DLG4: variants seen among roughly 807,000 people sequenced by gnomAD.
DLG4 encodes discs large MAGUK scaffold protein 4.
DLG4 carries 7 observed loss-of-function variants against 93.8 expected under a neutral mutation model. That is an observed-to-expected ratio of 0.07 (90% CI 0.04 to 0.14). The LOEUF (loss-of-function observed/expected upper bound fraction) is 0.14, where lower values mean the gene tolerates loss of function less well. DLG4 is among the 10% of genes least tolerant of loss of function. The pLI is 1.00. For synonymous variants in DLG4, 341 were observed against 387.6 expected, an observed-to-expected ratio of 0.88 and a Z score of 1.41; for missense variants, 545 against 992.9, an observed-to-expected ratio of 0.55 and a Z score of 6.06.
chr17:7,202,969 G>C lies in DLG4; in HGVS notation c.721C>G (p.Leu241Val), dbSNP rs1428590876. The C allele has an allele frequency of 6.2e-7, 1 of 1,614,018 alleles. No individual in the cohort carries two copies. Among genetic ancestry groups the C allele is most frequent in the Admixed American group, 1.7e-5 (1 of 60,026 alleles). ...ALKNTYDVVY[L>V]KVAKPSNAYL... is the part of the protein sequence containing the mutation. ...GCATTGCTGGGCTTGGCCACCTTTA[G>C]GTAGACAACATCATACGTGTTCTTC... The change falls in exon 8 of 20, where the codon CTA (leucine) becomes GTA (valine). Residue 241 changes from leucine (L) to valine (V), a missense_variant. Leu to Val is a conservative substitution (Grantham distance 32). Coordinates refer to ENST00000399506, the MANE Select transcript of DLG4 (RefSeq NM_001321075.3).
upstream of DLG4, chr17:7,218,414 G>A: frequency 2.9e-6 from 4 of 1,366,212 alleles, no homozygotes; most frequent in African/African-American, 1.4e-5. Context: ...ACTCATGGAG[G>A]ACACCATAGG....
intron 17 of DLG4, 119 bp downstream of exon 17, chr17:7,192,826 C>A: frequency 9.0e-7 from 1 of 1,112,000 alleles, no homozygotes; most frequent in South Asian, 1.6e-5. Flanking sequence ...GGTGGAGGAG[C>A]GGAGTGGAGA....
rs767344048 is a variant in DLG4, at chr17:7,196,567, A to G, written c.1092T>C (p.Gly364=). 6 of 1,613,880 alleles carry G rather than the reference A, an allele frequency of 3.7e-6. No homozygotes were observed. The highest frequency in any genetic ancestry group is 5.1e-6 in the Non-Finnish European group (6 of 1,179,784). ...RKGDQILSVN[G]VDLRNASHEQ... is the part of the protein sequence containing the mutation. ...CATGGCTGGCATTTCGGAGGTCCACACCGTTGACCTAGAGAGAGGACGACA... is the reference window on the plus strand; with the variant it reads ...CATGGCTGGCATTTCGGAGGTCCACGCCGTTGACCTAGAGAGAGGACGACA... The change falls in exon 10 of 20, where the codon GGT becomes GGC. Residue 364 remains glycine (G), a synonymous_variant. Coordinates refer to ENST00000399506, the MANE Select transcript of DLG4 (RefSeq NM_001321075.3). This position sits in a 1 kb window ranked among gnomAD's most constrained non-coding sequence, Gnocchi z 8.3.
In DLG4 at chr17:7,193,463, T is replaced by A; in HGVS notation, c.1693+20A>T. 1 of 1,516,906 alleles carries A rather than the reference T, an allele frequency of 6.6e-7. No homozygotes were observed. The highest frequency in any genetic ancestry group is 2.3e-5 in the East Asian group (1 of 43,630). The allele number at this position is 1,516,906 out of a possible 1,614,324, so 94.0% of individuals were successfully genotyped here. On this transcript the variant is annotated intron_variant, in intron 16 of 19. Coordinates refer to ENST00000399506, the MANE Select transcript of DLG4 (RefSeq NM_001321075.3). This position sits in a 1 kb window ranked among gnomAD's most constrained non-coding sequence, Gnocchi z 6.7. The stretch of plus-strand genomic sequence containing the variant: ...ACCCCCACTTCCACCTTCTCCTCCA[T>A]CCAAGGCCCCAGCACTCACGGGGAA...
At chr17:7,197,538 G>A (rs2069861066) in intron 8 of DLG4, among the ~76,000 whole-genome samples, 1 of 152,082 alleles carries the variant, frequency 6.6e-6, no homozygotes, top group South Asian at 2.1e-4. Flanking sequence ...AGGCTGGAGT[G>A]CAGTGCCGTG....
chr17:7,202,833 T>C, intron 8 of DLG4, 70 bp downstream of exon 8: 1 of 1,584,116 alleles, frequency 6.3e-7, no homozygotes, highest in Non-Finnish European at 8.7e-7. Context: ...TACAGGGATG[T>C]CGTGGGACTG....
At chr17:7,218,695 C>T, upstream of DLG4, 2 of 1,530,990 alleles carry the variant, frequency 1.3e-6, no homozygotes, top group Non-Finnish European at 1.8e-6. Context: ...GGAAGATGAA[C>T]ACACTGTCAC....
Position 7,189,066 on chromosome 17 carries a change from C to T in DLG4, c.*1642G>A, listed in dbSNP as rs147812804. On this transcript the variant is annotated 3_prime_UTR_variant, in exon 20 of 20. Coordinates refer to ENST00000399506, the MANE Select transcript of DLG4 (RefSeq NM_001321075.3). ...GGCAGAGGTTGCAGTGAGCCAAGAT[C>T]GCACCACAGCACTCCAGCCTGAGCG... Among the ~76,000 whole-genome samples, 6,947 of 146,102 alleles carry T rather than the reference C, an allele frequency of 0.048. 202 individuals carry two copies. Among genetic ancestry groups the T allele is most frequent in the Middle Eastern group, 0.1 (28 of 280 alleles).
intron 2 of DLG4, among the ~76,000 whole-genome samples, chr17:7,206,831 C>G (rs1220171298): frequency 6.6e-6 from 1 of 152,136 alleles, no homozygotes; most frequent in Admixed American, 6.5e-5. Flanking sequence ...TCCCCATCTT[C>G]TTGGTGAAAT....
At position 7,191,629 on chromosome 17, in the gene DLG4, A is replaced by C. The variant is rs1362751018; in HGVS notation, c.1976+264T>G. The C allele has an allele frequency of 5.1e-6, 3 of 593,462 alleles. No homozygotes were observed. Among genetic ancestry groups the C allele is most frequent in the Non-Finnish European group, 6.0e-6 (2 of 332,232 alleles). The allele number at this position is 593,462 out of a possible 1,614,324, so 36.8% of individuals were successfully genotyped here. The stretch of plus-strand genomic sequence containing the variant: ...CCCCAGAGATGGGATTCGGACTCCA[A>C]TTCCCAACAGCCCTAGAGGCCCTGA... On this transcript the variant is annotated intron_variant, in intron 18 of 19. Coordinates refer to ENST00000399506, the MANE Select transcript of DLG4 (RefSeq NM_001321075.3). This position sits in a 1 kb window ranked among gnomAD's most constrained non-coding sequence, Gnocchi z 6.6.
intron 17 of DLG4, 54 bp downstream of exon 17, chr17:7,192,891 A>AGTGGG: frequency 1.3e-6 from 2 of 1,520,860 alleles, no homozygotes; most frequent in Non-Finnish European, 1.8e-6. Flanking sequence ...GGAGGGAGGC[A>AGTGGG]GTGGGGTGGG....
chr17:7,190,699 G>C lies in DLG4; in HGVS notation c.*9C>G, dbSNP rs762885185. ...GGCAGGGCGAGTCCAGGCCAAGCCA[G>C]GGCAGGAATCAGAGTCTCTCTCGGG... On this transcript the variant is annotated 3_prime_UTR_variant, in exon 20 of 20. Coordinates refer to ENST00000399506, the MANE Select transcript of DLG4 (RefSeq NM_001321075.3). 1.2e-6 allele frequency: 2 copies of C among 1,611,798 alleles called. No individual in the cohort carries two copies. The highest frequency in any genetic ancestry group is 1.7e-5 in the Admixed American group (1 of 60,008).
chr17:7,196,991 G>T lies in DLG4; in HGVS notation c.849C>A (p.Pro283=), dbSNP rs542676517. The T allele has an allele frequency of 3.9e-5, 63 of 1,613,682 alleles. 2 individuals are homozygous for T. In the South Asian group the frequency reaches 6.2e-4, roughly 16 times the overall value. ...SHSSYLGTDY[P]TAMTPTSPRR... ...GAGGGGAAGTGGGGGTCATGGCTGT[G>T]GGGTAGTCGGTGCCCAGGTAGCTGC... is the stretch of plus-strand genomic sequence containing the variant. Residue 283 remains proline, a synonymous_variant, in exon 9 of 20, where the codon CCC becomes CCA. Transcript: ENST00000399506. The surrounding 1 kb of genome is among the most constrained non-coding windows in gnomAD (Gnocchi z 8.3).
upstream of DLG4, chr17:7,217,642 G>A (rs1326201987): frequency 7.9e-7 from 1 of 1,267,828 alleles, no homozygotes; most frequent in Non-Finnish European, 1.1e-6. Context: ...AGGAAGCAGG[G>A]GGAGGGAGGG....
upstream of DLG4, chr17:7,218,335 A>G: frequency 6.4e-7 from 1 of 1,561,220 alleles, no homozygotes; most frequent in Non-Finnish European, 8.7e-7. Context: ...CTCCAGGCAC[A>G]TCACCCCTGT....
At chr17:7,219,956 G>A (rs756203774), upstream of DLG4, 9 of 1,591,150 alleles carry the variant, frequency 5.7e-6, no homozygotes, top group Non-Finnish European at 6.8e-6. Context: ...GTCAGAGCTC[G>A]AGCCAGCGGC....
At position 7,195,274 on chromosome 17, in the gene DLG4, C is replaced by A. The variant is rs1170465899; in HGVS notation, c.1302-779G>T. ...GGCCTGGAGAGGAGGGAGGAGACCC[C>A]GGGCCCCCTGGAAGTGTGACAACCA... is the stretch of plus-strand genomic sequence containing the variant. On this transcript the variant is annotated intron_variant, in intron 11 of 19. Coordinates refer to ENST00000399506, the MANE Select transcript of DLG4 (RefSeq NM_001321075.3). The surrounding 1 kb of genome is among the most constrained non-coding windows in gnomAD (Gnocchi z 4.3). Among the ~76,000 whole-genome samples the A allele has an allele frequency of 6.6e-6, 1 of 152,136 alleles. No homozygotes were observed. The highest frequency in any genetic ancestry group is 1.5e-5 in the Non-Finnish European group (1 of 68,024).
chr17:7,214,070 G>A (rs2070809139), intron 1 of DLG4, among the ~76,000 whole-genome samples: 2 of 152,080 alleles, frequency 1.3e-5, no homozygotes, highest in Non-Finnish European at 2.9e-5. Flanking sequence ...GCCTGGCAAC[G>A]CAGCAATCAA....
upstream of DLG4, chr17:7,218,767 C>G: frequency 1.2e-6 from 2 of 1,602,658 alleles, no homozygotes; most frequent in Non-Finnish European, 1.7e-6. Context: ...GGAGAAGGAT[C>G]TCCGAGCCCC....
Sources: allele counts gnomAD v4.1 joint callset (sites outside exome capture counted in the v4.1 genomes callset), GRCh38; gene constraint gnomAD v4.1.1; non-coding constraint Gnocchi (gnomAD v3.1); transcripts MANE v1.5; gene names NCBI Gene and HGNC (gene_info 2026-07-23, HGNC 2026-07-21).